Variants in NXPE1 observed in about 807,000 individuals in gnomAD.
The protein encoded by NXPE1 is NXPE family member 1.
In NXPE1, 31 loss-of-function variants were observed where a neutral mutation model predicts 33.3. That is an observed-to-expected ratio of 0.93 (90% CI 0.70 to 1.26). NXPE1 has a LOEUF of 1.26. Ranked by LOEUF, NXPE1 falls within the 50% of genes most tolerant of loss-of-function variation. The pLI is 0.00. For missense variants in NXPE1, 661 were observed against 655.6 expected (o/e 1.01, Z -0.09); for synonymous variants, 229 against 231.4 (o/e 0.99, Z 0.09).
intron 5 of NXPE1, among the ~76,000 whole-genome samples, chr11:114,537,209 G>A (rs1947865026): frequency 6.6e-6 from 1 of 152,036 alleles, no homozygotes; most frequent in Non-Finnish European, 1.5e-5. Context: ...ATGCAGAAAG[G>A]GCCTTTGACA....
chr11:114,528,684 C>A, intron 6 of NXPE1: 1 of 464,520 alleles, frequency 2.2e-6, no homozygotes, highest in South Asian at 5.4e-5. Flanking sequence ...AAAGCTCTTA[C>A]TCACACTTTG....
rs556583106 is a variant in NXPE1 at position 114,542,548 on chromosome 11, A to G, written c.99+8555T>C. On this transcript the variant is annotated intron_variant, in intron 5 of 8. Transcript: ENST00000534921. ...TGCTCTGACAATGTAGATACAGTAC[A>G]ACTATAAAAAATTGGTGGGGGAGTG... Among the ~76,000 whole-genome samples the G allele has an allele frequency of 1.4e-4, 22 of 152,332 alleles. No homozygotes were observed. The South Asian group carries it at 4.3e-3, about 30-fold the overall frequency.
chr11:114,545,347 A>C (rs1948239800), intron 5 of NXPE1, among the ~76,000 whole-genome samples: 1 of 152,210 alleles, frequency 6.6e-6, no homozygotes, highest in Admixed American at 6.5e-5. Flanking sequence ...AGATAAACAA[A>C]TTGTAGTACA....
intron 5 of NXPE1, among the ~76,000 whole-genome samples, chr11:114,538,353 C>G (rs1947931046): frequency 6.6e-6 from 1 of 152,176 alleles, no homozygotes; most frequent in East Asian, 1.9e-4. Context: ...CAGTACCATT[C>G]AGGCCATAGG....
intron 5 of NXPE1, among the ~76,000 whole-genome samples, chr11:114,541,451 A>T (rs1948094761): frequency 6.6e-6 from 1 of 152,216 alleles, no homozygotes; most frequent in South Asian, 2.1e-4. Flanking sequence ...TGTCGATGAA[A>T]AGAGTCAAAC....
rs956215217 is a variant in NXPE1 at position 114,540,297 on chromosome 11, T to C, written c.100-9389A>G. Reference sequence around the variant, plus strand: ...TTAGGAGACTGGATAAGTTAAACTTTGTATATTCATAGAATGAAATACATG... The same window carrying C: ...TTAGGAGACTGGATAAGTTAAACTTCGTATATTCATAGAATGAAATACATG... On this transcript the variant is annotated intron_variant, in intron 5 of 8. Transcript: ENST00000534921. Among the ~76,000 whole-genome samples, 15 of 152,234 alleles carry C rather than the reference T, an allele frequency of 9.9e-5. 1 individual carries two copies. Among genetic ancestry groups the C allele is most frequent in the Non-Finnish European group, 2.1e-4 (14 of 68,046 alleles).
At chr11:114,550,091 T>A (rs1948421891) in intron 5 of NXPE1, among the ~76,000 whole-genome samples, 1 of 152,232 alleles carries the variant, frequency 6.6e-6, no homozygotes, top group South Asian at 2.1e-4. Context: ...AAGGAAACCA[T>A]GTCCTTGGAT....
intron 5 of NXPE1, among the ~76,000 whole-genome samples, chr11:114,544,143 AG>A (rs1268267713): frequency 2.0e-5 from 3 of 152,212 alleles, no homozygotes; most frequent in Non-Finnish European, 4.4e-5. Flanking sequence ...AAATATTGTT[AG>A]GATGTCAGTT....
At chr11:114,553,391 C>T (rs1948568611) in intron 1 of NXPE1, among the ~76,000 whole-genome samples, 1 of 152,172 alleles carries the variant, frequency 6.6e-6, no homozygotes, top group Admixed American at 6.5e-5. Flanking sequence ...GACAACCAAG[C>T]AGTTCTGTGG....
chr11:114,524,556 A>T (rs368222248), intron 7 of NXPE1, among the ~76,000 whole-genome samples: 2 of 152,126 alleles, frequency 1.3e-5, no homozygotes, highest in East Asian at 1.9e-4. Context: ...ATTATGTTGG[A>T]ATTACAGTGT....
chr11:114,558,837 G>C (rs1245749612), intron 1 of NXPE1, among the ~76,000 whole-genome samples: 1 of 152,158 alleles, frequency 6.6e-6, no homozygotes, highest in African/African-American at 2.4e-5. Flanking sequence ...ATACATCACA[G>C]AGGACTTCTC....
chr11:114,556,056 A>G (rs1948640378), intron 1 of NXPE1, among the ~76,000 whole-genome samples: 1 of 152,168 alleles, frequency 6.6e-6, no homozygotes, highest in South Asian at 2.1e-4. Context: ...TGGTAAGTAA[A>G]TGTTTAACTT....
chr11:114,540,922 C>T (rs755420113), intron 5 of NXPE1, among the ~76,000 whole-genome samples: 1 of 125,180 alleles, frequency 8.0e-6, no homozygotes, highest in Non-Finnish European at 1.6e-5. Flanking sequence ...TGCAGCAACA[C>T]AGTCACTGGA....
intron 1 of NXPE1, among the ~76,000 whole-genome samples, chr11:114,559,483 C>T (rs555145452): frequency 2.3e-4 from 35 of 152,304 alleles, no homozygotes; most frequent in African/African-American, 6.3e-4. Context: ...GTGACTGTAT[C>T]CATGCTTGCT....
chr11:114,545,330 T>C (rs1223125064), intron 5 of NXPE1, among the ~76,000 whole-genome samples: 3 of 152,188 alleles, frequency 2.0e-5, no homozygotes, highest in Non-Finnish European at 4.4e-5. Context: ...CTTCAGTAGG[T>C]GAATATAGAT....
chr11:114,551,765 A>T (rs577979886), intron 3 of NXPE1, among the ~76,000 whole-genome samples: 8 of 152,234 alleles, frequency 5.3e-5, no homozygotes, highest in African/African-American at 1.9e-4. Flanking sequence ...TAAAGAAGAG[A>T]TGATCCAATA....
intron 7 of NXPE1, among the ~76,000 whole-genome samples, chr11:114,524,080 T>G (rs1482165338): frequency 6.6e-6 from 1 of 152,252 alleles, no homozygotes; most frequent in African/African-American, 2.4e-5. Context: ...TTTAATCTCA[T>G]GGTCTAACTT....
At chr11:114,530,712 G>A in exon 6 of NXPE1, 2 of 1,614,224 alleles carry the variant, frequency 1.2e-6, no homozygotes, top group South Asian at 1.1e-5. Context: ...TGTGCTGTGT[G>A]TGGCACTGGT....
At chr11:114,525,698 A>C (rs1397597276) in intron 7 of NXPE1, among the ~76,000 whole-genome samples, 1 of 152,148 alleles carries the variant, frequency 6.6e-6, no homozygotes, top group Non-Finnish European at 1.5e-5. Context: ...AAAACCTGTC[A>C]CTGTTTGATA....
Sources: gnomAD v4.1 joint callset for allele counts (sites outside exome capture counted in the v4.1 genomes callset) on GRCh38, gnomAD v4.1.1 for gene constraint, MANE v1.5 for transcripts, NCBI Gene and HGNC (gene_info 2026-07-23, HGNC 2026-07-21) for gene names.